The following JARID2 variants were observed in gnomAD, a reference collection of about 807,000 sequenced individuals.
The protein encoded by JARID2 is jumonji and AT-rich interaction domain containing 2.
Under a neutral mutation model 125.6 loss-of-function variants are expected in JARID2, and 21 were observed. The observed-to-expected ratio is 0.17, with a 90% CI of 0.12 to 0.24. The LOEUF is 0.24. Ranked by LOEUF, JARID2 falls within the 10% of genes least tolerant of loss-of-function variation. JARID2 has a pLI of 1.00. For synonymous variants in JARID2, 736 were observed against 661.6 expected (o/e 1.11, Z -1.73); for missense variants, 1,303 against 1,639.6 (o/e 0.79, Z 3.55).
intron 5 of JARID2, among the ~76,000 whole-genome samples, chr6:15,470,102 G>A (rs912764383): frequency 5.3e-5 from 8 of 151,908 alleles, no homozygotes; most frequent in Non-Finnish European, 1.0e-4. Flanking sequence ...GCGTGAACCC[G>A]GGAGGCGGAG....
intron 12 of JARID2, chr6:15,509,319 G>A: frequency 1.0e-6 from 1 of 985,284 alleles, no homozygotes; most frequent in Non-Finnish European, 1.2e-6. Context: ...TGTGTTTATT[G>A]CCCTAATGGG....
At chr6:15,315,840 C>G (rs1482456151) in intron 1 of JARID2, among the ~76,000 whole-genome samples, 1 of 152,138 alleles carries the variant, frequency 6.6e-6, no homozygotes, top group East Asian at 1.9e-4. Flanking sequence ...GCCGTCCATA[C>G]GTTGAGTACG....
intron 1 of JARID2, among the ~76,000 whole-genome samples, chr6:15,284,045 A>G (rs986132259): frequency 6.6e-6 from 1 of 152,070 alleles, no homozygotes; most frequent in African/African-American, 2.4e-5. Context: ...CTTTCATAGA[A>G]GTTTTAAATT....
chr6:15,365,850 C>G (rs1245390058), intron 1 of JARID2, among the ~76,000 whole-genome samples: 2 of 152,068 alleles, frequency 1.3e-5, no homozygotes, highest in East Asian at 1.9e-4. Context: ...CAAGATGTTT[C>G]CTGGCCCCTT....
At chr6:15,305,597 G>C (rs1380763754) in intron 1 of JARID2, among the ~76,000 whole-genome samples, 4 of 152,194 alleles carry the variant, frequency 2.6e-5, no homozygotes, top group African/African-American at 9.7e-5. Flanking sequence ...TGGTTCTGAT[G>C]TGTGAGTAAA....
At chr6:15,350,517 C>T (rs1403209219) in intron 1 of JARID2, among the ~76,000 whole-genome samples, 3 of 152,206 alleles carry the variant, frequency 2.0e-5, no homozygotes, top group East Asian at 3.9e-4. Flanking sequence ...AAGATGTGCT[C>T]GGTATTCACA....
Position 15,262,698 on chromosome 6 carries a change from C to T in JARID2, c.45+16114C>T, listed in dbSNP as rs891491867. 9.2e-5 allele frequency among the ~76,000 whole-genome samples: 14 copies of T among 151,990 alleles called. No individual in the cohort carries two copies. The South Asian group carries it at 1.7e-3, about 18-fold the overall frequency. ...GATTACAGGTGTGCGCCACCACGCC[C>T]GGCTAATTTTTGTATTCTTAGTAGA... On this transcript the variant is annotated intron_variant, in intron 1 of 17. Transcript: ENST00000341776.
chr6:15,248,827 G>C, intron 1 of JARID2: 4 of 827,498 alleles, frequency 4.8e-6, no homozygotes, highest in Non-Finnish European at 5.8e-6. Context: ...CTCCAGGCGC[G>C]GCGGGGCGGC....
rs138824964 is a variant in JARID2 at position 15,452,300 on chromosome 6, G to C, written c.493+125G>C. The C allele has an allele frequency of 2.2e-3, 3,076 of 1,402,962 alleles. 10 individuals are homozygous for C. Among genetic ancestry groups the C allele is most frequent in the Non-Finnish European group, 2.5e-3 (2,624 of 1,066,498 alleles). The allele number at this position is 1,402,962 out of a possible 1,614,324, so 86.9% of individuals were successfully genotyped here. ...TTTTCTGTCCCCAACCTGGGTTGAG[G>C]GGGAATTGAAAGTGAGAAATCCCAC... On this transcript the variant is annotated intron_variant, in intron 4 of 17. Transcript: ENST00000341776.
chr6:15,328,486 T>C (rs1265670794), intron 1 of JARID2, among the ~76,000 whole-genome samples: 3 of 152,196 alleles, frequency 2.0e-5, no homozygotes, highest in African/African-American at 7.2e-5. Context: ...AAACTTATTA[T>C]CATTTAGTGT....
rs566615731 is a variant in JARID2, at chr6:15,273,507, G to A, written c.45+26923G>A. On this transcript the variant is annotated intron_variant, in intron 1 of 17. Transcript: ENST00000341776. ...ACCTGAGGTCAGGAGTTCAAGACCAGCCTGACCAACATGGAGAAACCCCAT... is the reference window on the plus strand; with the variant it reads ...ACCTGAGGTCAGGAGTTCAAGACCAACCTGACCAACATGGAGAAACCCCAT... Among the ~76,000 whole-genome samples, 6 of 152,310 alleles carry A rather than the reference G, an allele frequency of 3.9e-5. No homozygotes were observed. The East Asian group carries it at 1.2e-3, about 29-fold the overall frequency.
intron 1 of JARID2, among the ~76,000 whole-genome samples, chr6:15,339,564 T>A (rs1217536273): frequency 6.7e-6 from 1 of 149,956 alleles, no homozygotes; most frequent in Non-Finnish European, 1.5e-5. Flanking sequence ...TAAGAGAGTT[T>A]CGCTCTTGTT....
chr6:15,396,724 T>A (rs1323443930), intron 2 of JARID2, among the ~76,000 whole-genome samples: 2 of 152,246 alleles, frequency 1.3e-5, no homozygotes, highest in African/African-American at 2.4e-5. Context: ...TGGGGATTTT[T>A]AAATTTAATA....
chr6:15,333,724 C>T (rs1168447478), intron 1 of JARID2, among the ~76,000 whole-genome samples: 1 of 152,176 alleles, frequency 6.6e-6, no homozygotes, highest in African/African-American at 2.4e-5. Context: ...ATGAACACTG[C>T]ATCTTATTTA....
intron 12 of JARID2, chr6:15,508,969 CTGTAG>C: frequency 7.8e-7 from 1 of 1,289,358 alleles, no homozygotes; most frequent in Non-Finnish European, 1.0e-6. Flanking sequence ...TTCAGCCTCT[CTGTAG>C]AGCCAGTGTT....
intron 1 of JARID2, among the ~76,000 whole-genome samples, chr6:15,338,335 T>C (rs796578635): frequency 1.6e-4 from 25 of 152,200 alleles, no homozygotes; most frequent in African/African-American, 5.5e-4. Flanking sequence ...TCCTAAACCA[T>C]TGGGACTGCA....
chr6:15,449,451 G>C (rs956623205), intron 3 of JARID2, among the ~76,000 whole-genome samples: 2 of 151,738 alleles, frequency 1.3e-5, no homozygotes, highest in African/African-American at 4.9e-5. Context: ...TTCAAGACCA[G>C]CCTGGGCAAC....
intron 1 of JARID2, among the ~76,000 whole-genome samples, chr6:15,333,725 A>G (rs943690308): frequency 1.3e-5 from 2 of 152,222 alleles, no homozygotes; most frequent in East Asian, 1.9e-4. Context: ...TGAACACTGC[A>G]TCTTATTTAT....
intron 2 of JARID2, chr6:15,400,732 A>C: frequency 2.2e-6 from 2 of 891,366 alleles, no homozygotes; most frequent in Non-Finnish European, 2.7e-6. Flanking sequence ...CCTCCCTTGC[A>C]CATAAATAAC....
Sources: allele counts gnomAD v4.1 joint callset (sites outside exome capture counted in the v4.1 genomes callset), GRCh38; gene constraint gnomAD v4.1.1; transcripts MANE v1.5; gene names NCBI Gene and HGNC (gene_info 2026-07-23, HGNC 2026-07-21).